The following CHD1L variants were observed in gnomAD, a reference collection of about 807,000 sequenced individuals.
CHD1L encodes chromodomain helicase DNA binding protein 1 like.
In CHD1L, 118 loss-of-function variants were observed where a neutral mutation model predicts 115.9. The observed-to-expected ratio is 1.02, with a 90% confidence interval of 0.88 to 1.19. CHD1L has a LOEUF of 1.19. Ranked by LOEUF, CHD1L falls within the 50% of genes most tolerant of loss-of-function variation. The pLI is 0.00. For missense variants in CHD1L, 1,179 were observed against 1,065.3 expected (o/e 1.11, Z -1.49); for synonymous variants, 411 against 387.1 (o/e 1.06, Z -0.72).
At chr1:147,230,947 C>CA in the CHD1L span, among the ~76,000 whole-genome samples, 4 of 149,586 alleles carry the variant, frequency 2.7e-5, no homozygotes, top group South Asian at 2.1e-4. Flanking sequence ...TTTATCTTTT[C>CA]AAAAAAAAAG....
intron 9 of CHD1L, among the ~76,000 whole-genome samples, chr1:147,267,905 T>G (rs1571883069): frequency 2.6e-5 from 4 of 152,154 alleles, no homozygotes; most frequent in South Asian, 4.1e-4. Context: ...AATCATTTCT[T>G]CTTGATTAGA....
chr1:147,288,322 C>CATTAAAAAAAAAAAAAAAA (rs1452486110), intron 19 of CHD1L, among the ~76,000 whole-genome samples: 1 of 87,894 alleles, frequency 1.1e-5, no homozygotes, highest in African/African-American at 4.8e-5. Flanking sequence ...GACCCTGTTT[C>CATTAAAAAAAAAAAAAAAA]AATAAAAAAA....
chr1:147,275,663 G>A (rs1553957114), intron 13 of CHD1L, among the ~76,000 whole-genome samples, 195 bp downstream of exon 13: 1 of 151,490 alleles, frequency 6.6e-6, no homozygotes, highest in Admixed American at 6.6e-5. Context: ...TTTATTAGAA[G>A]GAGTCAAATC....
the CHD1L span, chr1:147,178,178 C>T: frequency 6.2e-7 from 1 of 1,611,268 alleles, no homozygotes; most frequent in South Asian, 1.1e-5. Flanking sequence ...GCCCGCCTCG[C>T]GGCTGCCTCC....
the CHD1L span, among the ~76,000 whole-genome samples, chr1:147,228,941 T>A: frequency 1.3e-5 from 2 of 152,328 alleles, no homozygotes; most frequent in Middle Eastern, 3.4e-3. Context: ...TGCAAAAATT[T>A]TCTCCCATTC....
the CHD1L span, chr1:147,225,013 A>C: frequency 6.2e-7 from 1 of 1,612,712 alleles, no homozygotes; most frequent in Non-Finnish European, 8.5e-7. Context: ...AATCACAGCA[A>C]TTCTTTTCTT....
intron 2 of CHD1L, among the ~76,000 whole-genome samples, chr1:147,253,728 G>A (rs1553937988): frequency 2.6e-5 from 4 of 152,312 alleles, no homozygotes; most frequent in East Asian, 3.9e-4. Context: ...GAACTTATGG[G>A]CTCAAGTGAT....
chr1:147,279,304 AG>A (rs1371572705), intron 14 of CHD1L, among the ~76,000 whole-genome samples: 2 of 152,156 alleles, frequency 1.3e-5, no homozygotes, highest in Non-Finnish European at 1.5e-5. Flanking sequence ...GTGCTTACGG[AG>A]GTGCAAAGTT....
chr1:147,267,209 A>G (rs1393262692), intron 8 of CHD1L, among the ~76,000 whole-genome samples: 1 of 152,256 alleles, frequency 6.6e-6, no homozygotes, highest in Non-Finnish European at 1.5e-5. Context: ...AGTTCTATTT[A>G]CAGTTGAGGG....
intron 19 of CHD1L, among the ~76,000 whole-genome samples, chr1:147,289,859 A>G (rs587706028): frequency 6.6e-6 from 1 of 152,346 alleles, no homozygotes; most frequent in Admixed American, 6.5e-5. Flanking sequence ...TTTCGTTTTC[A>G]TCAGCGGCTT....
the CHD1L span, chr1:147,211,495 A>C: frequency 6.6e-6 from 1 of 152,220 alleles, no homozygotes; most frequent in African/African-American, 2.4e-5. Context: ...TTTTCAAACA[A>C]AGTTGCTGAG....
At position 147,275,366 on chromosome 1, in the gene CHD1L, T is replaced by C. The variant is rs782459357; in HGVS notation, c.1283T>C (p.Met428Thr). 14 of 1,613,812 alleles carry C rather than the reference T, an allele frequency of 8.7e-6. No homozygotes were observed. The South Asian group carries it at 1.5e-4, about 18-fold the overall frequency. Reference sequence around the variant, plus strand: ...GCATTGTTTTCAGGTGGAGTTGGCATGAACTTAACAGCAGCAGATACTGTG... The same window carrying C: ...GCATTGTTTTCAGGTGGAGTTGGCACGAACTTAACAGCAGCAGATACTGTG... The part of the protein sequence containing the change: ...LLSTRAGGVG[M>T]NLTAADTVIF... Residue 428 changes from methionine to threonine, a missense_variant, in exon 13 of 23, where the codon ATG becomes ACG. By Grantham distance (81) the Met-to-Thr change is moderately conservative. Coordinates refer to ENST00000369258, the MANE Select transcript of CHD1L (RefSeq NM_004284.6).
At chr1:147,194,320 G>A in the CHD1L span, among the ~76,000 whole-genome samples, 1,789 of 152,106 alleles carry the variant, frequency 0.012, 16 homozygotes, top group African/African-American at 0.021. Flanking sequence ...TCAGAGACTA[G>A]GATTGCAACC....
rs375869615 is a variant in CHD1L, at chr1:147,285,491, T to C, written c.2018+4T>C. 3.7e-5 allele frequency: 59 copies of C among 1,608,338 alleles called. No homozygotes were observed. Among genetic ancestry groups the C allele is most frequent in the Non-Finnish European group, 4.6e-5 (54 of 1,178,452 alleles). ...AAGAGGCTGAACATAAGAAAAAGTATGTCTGCGTTAACCAAGCTGGCGGCC... is the reference window on the plus strand; with the variant it reads ...AAGAGGCTGAACATAAGAAAAAGTACGTCTGCGTTAACCAAGCTGGCGGCC... On this transcript the variant is annotated splice_donor_region_variant and intron_variant, in intron 17 of 22. Coordinates refer to ENST00000369258, the MANE Select transcript of CHD1L (RefSeq NM_004284.6).
chr1:147,192,453 G>A, the CHD1L span, among the ~76,000 whole-genome samples: 133 of 152,220 alleles, frequency 8.7e-4, no homozygotes, highest in Non-Finnish European at 1.6e-3. Context: ...CATGTCGTCT[G>A]CAAACAGGGA....
chr1:147,261,059 T>C (rs1671748101), intron 6 of CHD1L: 1 of 152,176 alleles, frequency 6.6e-6, no homozygotes, highest in Non-Finnish European at 1.5e-5. Flanking sequence ...GTCTGAAAGT[T>C]GTAGTTTTTA....
the CHD1L span, among the ~76,000 whole-genome samples, chr1:147,228,000 T>A: frequency 9.8e-6 from 1 of 102,134 alleles, no homozygotes; most frequent in South Asian, 3.6e-4. Flanking sequence ...GCAAGCTCCA[T>A]GGAGGCCACT....
chr1:147,225,208 A>C, the CHD1L span: 1 of 1,431,786 alleles, frequency 7.0e-7, no homozygotes, highest in Non-Finnish European at 9.1e-7. Context: ...ACCAGAGGAA[A>C]TCTTTCTGCT....
chr1:147,184,416 A>G, the CHD1L span: 1 of 1,359,938 alleles, frequency 7.4e-7, no homozygotes, highest in Non-Finnish European at 9.6e-7. The surrounding 1 kb of genome is among the most constrained non-coding windows in gnomAD (Gnocchi z 4.4). Flanking sequence ...TACTTTATTA[A>G]TATTCCCTTA....
Sources: allele counts gnomAD v4.1 joint callset (sites outside exome capture counted in the v4.1 genomes callset), GRCh38; gene constraint gnomAD v4.1.1; non-coding constraint Gnocchi (gnomAD v3.1); transcripts MANE v1.5; gene names NCBI Gene and HGNC (gene_info 2026-07-23, HGNC 2026-07-21).